The following LAMA2 variants were observed in gnomAD, a reference collection of about 807,000 sequenced individuals.
LAMA2 encodes laminin subunit alpha 2.
A neutral mutation model predicts 364.8 loss-of-function variants in LAMA2; 269 were observed. The ratio of observed to expected loss-of-function variants is 0.74; its 90% CI spans 0.67 to 0.82. The LOEUF (loss-of-function observed/expected upper bound fraction) is 0.82, where lower values mean the gene tolerates loss of function less well. Among genes scored for constraint, LAMA2 ranks in the 40% least tolerant of loss-of-function variants. The pLI is 0.00. For synonymous variants in LAMA2, 1,379 were observed against 1,370.6 expected, an observed-to-expected ratio of 1.01 and a Z score of -0.14; for missense variants, 3,807 against 3,873.2, an observed-to-expected ratio of 0.98 and a Z score of 0.45.
intron 7 of LAMA2, among the ~76,000 whole-genome samples, chr6:129,150,536 C>T (rs902468224): frequency 1.4e-4 from 22 of 152,032 alleles, no homozygotes; most frequent in East Asian, 3.9e-4. Flanking sequence ...TGTGTTTCTA[C>T]GTTTAAATAC....
At chr6:129,394,363 A>G (rs1468878165) in intron 37 of LAMA2, among the ~76,000 whole-genome samples, 1 of 152,258 alleles carries the variant, frequency 6.6e-6, no homozygotes, top group African/African-American at 2.4e-5. Context: ...ACAATCAACC[A>G]GGATTTTTTA....
At chr6:128,924,306 G>A (rs1778948324) in intron 1 of LAMA2, among the ~76,000 whole-genome samples, 1 of 151,900 alleles carries the variant, frequency 6.6e-6, no homozygotes, top group Non-Finnish European at 1.5e-5. Context: ...GTCCTTACCA[G>A]AACTACTGAC....
At chr6:129,476,909 C>A (rs978862648) in intron 53 of LAMA2, among the ~76,000 whole-genome samples, 1 of 152,120 alleles carries the variant, frequency 6.6e-6, no homozygotes, top group African/African-American at 2.4e-5. Flanking sequence ...AGACAGACAC[C>A]TGACATGAAA....
chr6:129,046,928 T>C (rs1245114712), intron 1 of LAMA2, among the ~76,000 whole-genome samples: 1 of 152,226 alleles, frequency 6.6e-6, no homozygotes, highest in Non-Finnish European at 1.5e-5. Flanking sequence ...TCTCAGATCC[T>C]TTACTGTCTG....
At chr6:129,489,988 C>G (rs985457575) in intron 56 of LAMA2, among the ~76,000 whole-genome samples, 2 of 151,604 alleles carry the variant, frequency 1.3e-5, no homozygotes, top group Non-Finnish European at 2.9e-5. Context: ...GTTTAATGTA[C>G]CTTTTTGCAC....
intron 35 of LAMA2, among the ~76,000 whole-genome samples, chr6:129,386,503 G>A (rs972554830): frequency 6.6e-6 from 1 of 151,990 alleles, no homozygotes; most frequent in Non-Finnish European, 1.5e-5. Context: ...GAGAGAAATG[G>A]AAAATGACAG....
intron 1 of LAMA2, among the ~76,000 whole-genome samples, chr6:128,887,617 G>T (rs1043602571): frequency 1.3e-5 from 2 of 151,880 alleles, no homozygotes; most frequent in African/African-American, 2.4e-5. Flanking sequence ...TCCTGTAATC[G>T]CAGCACTTTG....
At chr6:128,902,062 AG>A (rs1251093577) in intron 1 of LAMA2, among the ~76,000 whole-genome samples, 2 of 152,222 alleles carry the variant, frequency 1.3e-5, no homozygotes, top group African/African-American at 4.8e-5. Context: ...AGGAAGGAGA[AG>A]TGCAGAGCGA....
chr6:129,250,984 G>A lies in LAMA2; in HGVS notation c.1884+771G>A, dbSNP rs573568358. 4.7e-5 allele frequency among the ~76,000 whole-genome samples: 7 copies of A among 150,500 alleles called. No homozygotes were observed. The South Asian group carries it at 1.3e-3, about 27-fold the overall frequency. The stretch of plus-strand genomic sequence containing the variant: ...TGGACATTTTCCAGTATTGGATGAA[G>A]TGGTCTGCTCTCTCTCTTTCTGTCT... On this transcript the variant is annotated intron_variant, in intron 13 of 64. Transcript: ENST00000421865.
chr6:128,961,342 T>TAATATG (rs1781494392), intron 1 of LAMA2, among the ~76,000 whole-genome samples: 1 of 61,016 alleles, frequency 1.6e-5, no homozygotes, highest in African/African-American at 6.1e-5. Context: ...TATATATATA[T>TAATATG]ATATATATAT....
At chr6:129,399,935 C>T (rs1380630118) in intron 37 of LAMA2, among the ~76,000 whole-genome samples, 1 of 152,212 alleles carries the variant, frequency 6.6e-6, no homozygotes, top group Non-Finnish European at 1.5e-5. Context: ...CTTAATCACA[C>T]TGTACTATGT....
chr6:129,265,204 T>C (rs1787422677), intron 15 of LAMA2, among the ~76,000 whole-genome samples: 1 of 152,108 alleles, frequency 6.6e-6, no homozygotes, highest in Non-Finnish European at 1.5e-5. Flanking sequence ...GGAATGGGAA[T>C]ATGGCAACAA....
chr6:129,481,106 C>A (rs1784323651), intron 54 of LAMA2, among the ~76,000 whole-genome samples, 157 bp from the exon 55 acceptor site: 1 of 152,200 alleles, frequency 6.6e-6, no homozygotes, highest in South Asian at 2.1e-4. Context: ...AATAATATTT[C>A]TTCAACTGCT....
At chr6:129,400,161 GA>G (rs896673910) in intron 37 of LAMA2, among the ~76,000 whole-genome samples, 1 of 152,172 alleles carries the variant, frequency 6.6e-6, no homozygotes, top group Non-Finnish European at 1.5e-5. Context: ...GTAAAAGGAT[GA>G]ACAAGCTCCT....
chr6:129,253,493 C>T (rs751136169), intron 14 of LAMA2, among the ~76,000 whole-genome samples: 3 of 152,180 alleles, frequency 2.0e-5, no homozygotes, highest in Admixed American at 6.5e-5. Flanking sequence ...AGAACCATTG[C>T]CAAACAATGT....
Position 129,314,826 on chromosome 6 carries a change from A to G in LAMA2, c.3555+28A>G, listed in dbSNP as rs765833656. ...GAGTAGGGAACTGCTGAGCCATGTA[A>G]TGGTATAATGTTAGTTCCTGCTGGT... On this transcript the variant is annotated intron_variant, in intron 24 of 64. Coordinates refer to ENST00000421865, the MANE Select transcript of LAMA2 (RefSeq NM_000426.4). The G allele has an allele frequency of 4.3e-6, 7 of 1,613,016 alleles. No homozygotes were observed. In the South Asian group the frequency reaches 5.5e-5, roughly 13 times the overall value.
rs555128907 is a variant in LAMA2 at position 129,285,462 on chromosome 6, T to C, written c.2538-2385T>C. Among the ~76,000 whole-genome samples, 118 of 152,264 alleles carry C rather than the reference T, an allele frequency of 7.7e-4. No individual in the cohort carries two copies. In the South Asian group the frequency reaches 0.023, roughly 30 times the overall value. On this transcript the variant is annotated intron_variant, in intron 18 of 64. Coordinates refer to ENST00000421865, the MANE Select transcript of LAMA2 (RefSeq NM_000426.4). ...AAATGAGTTTTTTTATTATGGAGAA[T>C]TTCAGTCTTATTAATTGCTATCTAA...
intron 35 of LAMA2, among the ~76,000 whole-genome samples, chr6:129,389,889 T>C (rs1779224455): frequency 1.3e-5 from 2 of 152,114 alleles, no homozygotes; most frequent in South Asian, 2.1e-4. Flanking sequence ...GTATTACAAC[T>C]TGAGATGAGA....
intron 12 of LAMA2, among the ~76,000 whole-genome samples, chr6:129,193,442 A>G (rs1393973849): frequency 6.6e-6 from 1 of 152,244 alleles, no homozygotes; most frequent in Non-Finnish European, 1.5e-5. Flanking sequence ...ACACATATGT[A>G]AAAACATACA....
Sources: gnomAD v4.1 joint callset for allele counts (sites outside exome capture counted in the v4.1 genomes callset) on GRCh38, gnomAD v4.1.1 for gene constraint, MANE v1.5 for transcripts, NCBI Gene and HGNC (gene_info 2026-07-23, HGNC 2026-07-21) for gene names.